The following EPC2 variants were observed in gnomAD, a reference collection of about 807,000 sequenced individuals.
EPC2 encodes the protein enhancer of polycomb 2.
Under a neutral mutation model 92.1 loss-of-function variants are expected in EPC2, and 14 were observed. That is an observed-to-expected ratio of 0.15 (90% CI 0.10 to 0.24). The LOEUF (loss-of-function observed/expected upper bound fraction) is 0.24. EPC2 is among the 10% of genes least tolerant of loss of function. The probability of loss-of-function intolerance (pLI) is 1.00; values close to 1 mark genes in which losing one functional copy is unlikely to be tolerated. For missense variants in EPC2, 755 were observed against 971.5 expected, an observed-to-expected ratio of 0.78 and a Z score of 2.96; for synonymous variants, 340 against 334.7, an observed-to-expected ratio of 1.02 and a Z score of -0.17.
chr2:148,667,222 C>T (rs1458429510), intron 1 of EPC2, among the ~76,000 whole-genome samples: 1 of 152,236 alleles, frequency 6.6e-6, no homozygotes, highest in East Asian at 1.9e-4. Context: ...GAAGACTTTG[C>T]CAATCAAAAC....
intron 1 of EPC2, among the ~76,000 whole-genome samples, chr2:148,682,310 A>G (rs1681415515): frequency 6.6e-6 from 1 of 152,200 alleles, no homozygotes. Context: ...GTCTTCCACA[A>G]TGGTTGAACT....
chr2:148,703,532 T>TTAG (rs1376907865), intron 2 of EPC2, among the ~76,000 whole-genome samples: 3 of 152,064 alleles, frequency 2.0e-5, no homozygotes, highest in African/African-American at 7.2e-5. Flanking sequence ...TGTTCTTTTG[T>TTAG]TAGTAGTAGT....
intron 2 of EPC2, chr2:148,692,009 T>C (rs954727807): frequency 3.4e-5 from 12 of 349,270 alleles, no homozygotes; most frequent in Non-Finnish European, 6.6e-5. Flanking sequence ...ATAATAGTCA[T>C]ATTCTCTAGT....
chr2:148,691,677 G>A, intron 2 of EPC2: 1 of 1,476,908 alleles, frequency 6.8e-7, no homozygotes, highest in Non-Finnish European at 9.3e-7. Context: ...TGTTTGTTTT[G>A]TTCATTTGTT....
chr2:148,707,273 G>A (rs1030708548), intron 2 of EPC2, among the ~76,000 whole-genome samples: 11 of 152,132 alleles, frequency 7.2e-5, no homozygotes, highest in Non-Finnish European at 1.3e-4. Flanking sequence ...AATGGTAAAG[G>A]GATCAATTCA....
At chr2:148,699,024 G>A (rs1681820044) in intron 2 of EPC2, among the ~76,000 whole-genome samples, 1 of 151,940 alleles carries the variant, frequency 6.6e-6, no homozygotes, top group Admixed American at 6.6e-5. Context: ...ATCTATAAGA[G>A]GGCCAGTAAT....
chr2:148,766,743 C>T (rs755340598), intron 7 of EPC2, among the ~76,000 whole-genome samples: 19 of 152,086 alleles, frequency 1.2e-4, no homozygotes, highest in African/African-American at 1.9e-4. Flanking sequence ...GGCAGATAGC[C>T]TCTATCTACA....
chr2:148,694,286 G>A (rs749639884), intron 2 of EPC2, among the ~76,000 whole-genome samples: 11 of 152,172 alleles, frequency 7.2e-5, no homozygotes, highest in Non-Finnish European at 8.8e-5. Flanking sequence ...GGAGTTGGGA[G>A]TGGACTCCAA....
intron 10 of EPC2, among the ~76,000 whole-genome samples, chr2:148,774,248 G>A (rs1044799143): frequency 6.6e-6 from 1 of 152,160 alleles, no homozygotes; most frequent in Non-Finnish European, 1.5e-5. Flanking sequence ...ATGTGGAATT[G>A]AGGGCTAGTG....
chr2:148,769,317 T>C, intron 8 of EPC2, 77 bp downstream of exon 8: 1 of 1,028,508 alleles, frequency 9.7e-7, no homozygotes, highest in Non-Finnish European at 1.5e-6. Flanking sequence ...GACTTAGTCT[T>C]GATCTAAAAA....
At chr2:148,679,525 TA>T (rs773069975) in intron 1 of EPC2, among the ~76,000 whole-genome samples, 14 of 152,220 alleles carry the variant, frequency 9.2e-5, no homozygotes, top group Non-Finnish European at 1.9e-4. Context: ...AGGTGAGATG[TA>T]AGAAAAGTAT....
chr2:148,737,167 G>C (rs1000366241), intron 2 of EPC2, among the ~76,000 whole-genome samples: 1 of 152,096 alleles, frequency 6.6e-6, no homozygotes, highest in Admixed American at 6.5e-5. Flanking sequence ...TTATTTCTTA[G>C]GGTATTCCCA....
At chr2:148,648,751 C>G (rs1683856273) in intron 1 of EPC2, among the ~76,000 whole-genome samples, 1 of 152,156 alleles carries the variant, frequency 6.6e-6, no homozygotes, top group Non-Finnish European at 1.5e-5. Flanking sequence ...GTTCGAGTTA[C>G]ATTCTGACTG....
chr2:148,675,245 C>G (rs1298046045), intron 1 of EPC2, among the ~76,000 whole-genome samples: 2 of 151,656 alleles, frequency 1.3e-5, no homozygotes, highest in African/African-American at 4.8e-5. Context: ...AAATTTCTTT[C>G]TAGGTCTTCC....
intron 11 of EPC2, 77 bp from the exon 12 acceptor site, chr2:148,783,520 T>TG: frequency 7.3e-7 from 1 of 1,378,034 alleles, no homozygotes; most frequent in Non-Finnish European, 9.9e-7. Context: ...AACAGCCTCT[T>TG]GGGTTTGCCC....
intron 1 of EPC2, among the ~76,000 whole-genome samples, chr2:148,654,518 T>G (rs1286556389): frequency 1.3e-5 from 2 of 151,920 alleles, no homozygotes; most frequent in Non-Finnish European, 2.9e-5. Flanking sequence ...ATCAGCTGGG[T>G]GGAGTGGCAT....
At chr2:148,747,679 A>G (rs984378277) in intron 3 of EPC2, among the ~76,000 whole-genome samples, 3 of 152,112 alleles carry the variant, frequency 2.0e-5, no homozygotes, top group Non-Finnish European at 4.4e-5. Flanking sequence ...TTCAACTTGT[A>G]TCCTACTTAA....
At chr2:148,783,441 C>G (rs879094404) in intron 11 of EPC2, among the ~76,000 whole-genome samples, 156 bp from the exon 12 acceptor site, 3 of 152,116 alleles carry the variant, frequency 2.0e-5, no homozygotes, top group African/African-American at 4.8e-5. Context: ...GCTTCATATG[C>G]CAAAAATCAT....
intron 2 of EPC2, 84 bp downstream of exon 2, chr2:148,690,457 T>C: frequency 1.5e-6 from 2 of 1,334,824 alleles, no homozygotes; most frequent in Non-Finnish European, 2.0e-6. Context: ...AAAGAAATTC[T>C]GATTTTTTAA....
Sources: allele counts gnomAD v4.1 joint callset (sites outside exome capture counted in the v4.1 genomes callset), GRCh38; gene constraint gnomAD v4.1.1; transcripts MANE v1.5; gene names NCBI Gene and HGNC (gene_info 2026-07-23, HGNC 2026-07-21).